The following THSD4 variants were observed in gnomAD, a reference collection of about 807,000 sequenced individuals.
The protein encoded by THSD4 is thrombospondin type-1 domain-containing protein 4.
Under a neutral mutation model 119.0 loss-of-function variants are expected in THSD4, and 69 were observed. The ratio of observed to expected loss-of-function variants is 0.58; its 90% CI spans 0.48 to 0.71. THSD4 has a LOEUF of 0.71. THSD4 is among the 30% of genes least tolerant of loss of function. THSD4 has a pLI of 0.00. For synonymous variants in THSD4, 524 were observed against 540.4 expected (o/e 0.97, Z 0.42); for missense variants, 1,393 against 1,391.1 (o/e 1.00, Z -0.02).
intron 7 of THSD4, among the ~76,000 whole-genome samples, chr15:71,625,101 G>A (rs2050484040): frequency 6.6e-6 from 1 of 152,114 alleles, no homozygotes; most frequent in Non-Finnish European, 1.5e-5. Flanking sequence ...TTTGCCTCCA[G>A]GTTCAAGTGA....
At chr15:71,261,221 A>T (rs1253958411) in intron 6 of THSD4, among the ~76,000 whole-genome samples, 1 of 152,190 alleles carries the variant, frequency 6.6e-6, no homozygotes, top group Non-Finnish European at 1.5e-5. Flanking sequence ...CACCATGGGA[A>T]GACACAGACA....
chr15:71,614,399 A>G (rs1465966982), intron 7 of THSD4, among the ~76,000 whole-genome samples: 1 of 152,108 alleles, frequency 6.6e-6, no homozygotes, highest in African/African-American at 2.4e-5. Flanking sequence ...GACTGAGAGG[A>G]TGCTAAGTTT....
intron 10 of THSD4, among the ~76,000 whole-genome samples, chr15:71,734,957 A>G (rs902494519): frequency 3.9e-5 from 6 of 152,082 alleles, no homozygotes; most frequent in Admixed American, 6.6e-5. Context: ...ATCATCATCT[A>G]CAATCTCAGA....
chr15:71,184,766 A>G (rs1388064612), intron 3 of THSD4, among the ~76,000 whole-genome samples: 2 of 151,762 alleles, frequency 1.3e-5, no homozygotes, highest in African/African-American at 4.8e-5. Flanking sequence ...AGTTAGATTT[A>G]AGCTCCTACA....
At chr15:71,493,222 A>AT (rs1351678741) in intron 7 of THSD4, among the ~76,000 whole-genome samples, 2 of 152,168 alleles carry the variant, frequency 1.3e-5, no homozygotes, top group African/African-American at 2.4e-5. Context: ...AGAATGGCGG[A>AT]TTTTTTTGTG....
At chr15:71,183,298 C>T (rs1414207642) in intron 3 of THSD4, 1 of 151,756 alleles carries the variant, frequency 6.6e-6, no homozygotes, top group African/African-American at 2.4e-5. Flanking sequence ...ATTCAGTTAC[C>T]TCCCACTGAG....
intron 4 of THSD4, among the ~76,000 whole-genome samples, chr15:71,220,410 C>T (rs967671532): frequency 2.6e-5 from 4 of 152,186 alleles, no homozygotes; most frequent in African/African-American, 7.2e-5. Flanking sequence ...TCAAAAATAA[C>T]GTCAATCTTC....
intron 10 of THSD4, among the ~76,000 whole-genome samples, chr15:71,736,707 C>T (rs1305782464): frequency 6.6e-6 from 1 of 152,124 alleles, no homozygotes; most frequent in Non-Finnish European, 1.5e-5. Flanking sequence ...TCAAAATGTG[C>T]CCTCCTCCTC....
At chr15:71,465,512 C>T (rs1272584318) in intron 7 of THSD4, among the ~76,000 whole-genome samples, 2 of 152,104 alleles carry the variant, frequency 1.3e-5, no homozygotes, top group African/African-American at 2.4e-5. Context: ...TTCTCCCTGG[C>T]CTCCCTCCTT....
chr15:71,103,754 T>G (rs1404177450), intron 1 of THSD4, among the ~76,000 whole-genome samples: 1 of 151,416 alleles, frequency 6.6e-6, no homozygotes, highest in East Asian at 1.9e-4. Flanking sequence ...ATATTGCCTG[T>G]GGGCTGAGGC....
intron 14 of THSD4, among the ~76,000 whole-genome samples, chr15:71,751,470 C>G (rs529109855): frequency 6.6e-6 from 1 of 151,862 alleles, no homozygotes; most frequent in Non-Finnish European, 1.5e-5. Flanking sequence ...GCTTTTTTTC[C>G]TCATACGTAT....
At chr15:71,504,953 G>A (rs1292728534) in intron 7 of THSD4, among the ~76,000 whole-genome samples, 1 of 152,138 alleles carries the variant, frequency 6.6e-6, no homozygotes, top group Admixed American at 6.5e-5. Context: ...GAAGAGCATG[G>A]TCAGGTGTGT....
intron 6 of THSD4, among the ~76,000 whole-genome samples, chr15:71,353,542 G>T (rs1191656580): frequency 6.6e-6 from 1 of 152,208 alleles, no homozygotes; most frequent in Non-Finnish European, 1.5e-5. Context: ...CCCTGACCCA[G>T]AAGGAGTCAT....
chr15:71,299,960 CAAAAA>C (rs141320911), intron 6 of THSD4, among the ~76,000 whole-genome samples: 1,144 of 108,916 alleles, frequency 0.011, 14 homozygotes, highest in Admixed American at 0.039. Flanking sequence ...CTGTCTCTAC[CAAAAA>C]AAAAAAAAAA....
chr15:71,673,901 C>T (rs1232186525), intron 8 of THSD4, among the ~76,000 whole-genome samples: 1 of 152,144 alleles, frequency 6.6e-6, no homozygotes, highest in Non-Finnish European at 1.5e-5. Context: ...GGACTACAGG[C>T]GCCCACCACC....
At chr15:71,254,715 A>G (rs185590195) in intron 5 of THSD4, among the ~76,000 whole-genome samples, 3 of 152,282 alleles carry the variant, frequency 2.0e-5, no homozygotes, top group Admixed American at 2.0e-4. Context: ...AGTTAACTCA[A>G]AAGCCTTCAT....
intron 8 of THSD4, among the ~76,000 whole-genome samples, chr15:71,674,514 A>G (rs1418896370): frequency 3.9e-5 from 6 of 152,148 alleles, no homozygotes; most frequent in Non-Finnish European, 8.8e-5. Context: ...CATGGGAGGC[A>G]TGCTGTGTGA....
At chr15:71,743,033 T>A (rs573217494) in intron 11 of THSD4, among the ~76,000 whole-genome samples, 1 of 149,946 alleles carries the variant, frequency 6.7e-6, no homozygotes, top group African/African-American at 2.4e-5. Flanking sequence ...CCAGCCTGGG[T>A]GACAGAGCTA....
At chr15:71,244,962 C>G (rs1159836005) in intron 5 of THSD4, among the ~76,000 whole-genome samples, 1 of 152,238 alleles carries the variant, frequency 6.6e-6, no homozygotes, top group Non-Finnish European at 1.5e-5. Context: ...TTGCATTTAA[C>G]TTACATTTGT....
Sources: gnomAD v4.1 joint callset for allele counts (sites outside exome capture counted in the v4.1 genomes callset) on GRCh38, gnomAD v4.1.1 for gene constraint, MANE v1.5 for transcripts, NCBI Gene and HGNC (gene_info 2026-07-23, HGNC 2026-07-21) for gene names.